Variants in ANKRD28 observed in about 807,000 individuals in gnomAD.
The protein encoded by ANKRD28 is ankyrin repeat domain 28.
Under a neutral mutation model 126.5 loss-of-function variants are expected in ANKRD28, and 44 were observed. That is an observed-to-expected ratio of 0.35 (90% confidence interval 0.27 to 0.45). ANKRD28 has a LOEUF of 0.45. Among genes scored for constraint, ANKRD28 ranks in the 20% least tolerant of loss-of-function variants. ANKRD28 has a pLI of 1.00. For synonymous variants in ANKRD28, 442 were observed against 468.5 expected, an observed-to-expected ratio of 0.94 and a Z score of 0.73; for missense variants, 1,110 against 1,316.6, an observed-to-expected ratio of 0.84 and a Z score of 2.43.
At chr3:15,767,649 G>C (rs1370489514) in intron 2 of ANKRD28, among the ~76,000 whole-genome samples, 4 of 141,338 alleles carry the variant, frequency 2.8e-5, no homozygotes, top group Non-Finnish European at 1.5e-5. Context: ...TGGATCACGA[G>C]GTCAGGAGAT....
upstream of ANKRD28, among the ~76,000 whole-genome samples, chr3:15,800,832 A>AT (rs1162811794): frequency 6.6e-6 from 1 of 152,108 alleles, no homozygotes; most frequent in Non-Finnish European, 1.5e-5. Context: ...TCAAAAGCAG[A>AT]TAAAAAATAC....
chr3:15,701,720 C>T (rs2070662111), intron 14 of ANKRD28, among the ~76,000 whole-genome samples: 1 of 151,790 alleles, frequency 6.6e-6, no homozygotes, highest in Non-Finnish European at 1.5e-5. Flanking sequence ...AAAATAAAAC[C>T]CACGTCTGGC....
At chr3:15,806,575 G>A (rs2060584711) in intron 1 of ANKRD28, among the ~76,000 whole-genome samples, 1 of 151,524 alleles carries the variant, frequency 6.6e-6, no homozygotes, top group Non-Finnish European at 1.5e-5. Flanking sequence ...AGGCTGGAGT[G>A]CAGTGGCACA....
intron 18 of ANKRD28, among the ~76,000 whole-genome samples, chr3:15,689,653 GTTTCAAACACTAGTTAATAAATCTAT>G (rs767891526): frequency 2.0e-5 from 3 of 152,198 alleles, no homozygotes; most frequent in Non-Finnish European, 4.4e-5. Flanking sequence ...CACAAAGTTA[GTTTCAAACACTAGTTAATAAATCTAT>G]TTTTATTTCC....
At chr3:15,777,903 C>CACAA (rs1553631647) in intron 2 of ANKRD28, among the ~76,000 whole-genome samples, 1 of 148,890 alleles carries the variant, frequency 6.7e-6, no homozygotes, top group Non-Finnish European at 1.5e-5. Context: ...CACACACACA[C>CACAA]CCTCTCCGCC....
chr3:15,723,918 A>C (rs1418555542), intron 7 of ANKRD28, among the ~76,000 whole-genome samples: 1 of 152,214 alleles, frequency 6.6e-6, no homozygotes, highest in Non-Finnish European at 1.5e-5. Flanking sequence ...ACCAAACAGA[A>C]TTATATAGTA....
rs1466291748 is a variant in ANKRD28 at position 15,845,287 on chromosome 3, C to G, written c.27+14090G>C. 2.0e-5 allele frequency among the ~76,000 whole-genome samples: 3 copies of G among 148,122 alleles called. No individual in the cohort carries two copies. In the East Asian group the frequency reaches 6.0e-4, roughly 29 times the overall value. ...GATTAACTGTTACATAACATATACA[C>G]AATCTTCCAGAACATTTCTAAAGTA... On this transcript the variant is annotated intron_variant, in intron 1 of 27. Transcript: ENST00000399451. The surrounding 1 kb of genome is among the most constrained non-coding windows in gnomAD (Gnocchi z 4.9).
intron 1 of ANKRD28, among the ~76,000 whole-genome samples, chr3:15,848,813 G>C (rs1432875318): frequency 6.6e-6 from 1 of 152,128 alleles, no homozygotes; most frequent in Non-Finnish European, 1.5e-5. Flanking sequence ...AACAAGACAA[G>C]GATGTCTACT....
At chr3:15,691,208 C>T (rs1390786128) in intron 17 of ANKRD28, among the ~76,000 whole-genome samples, 7 of 151,894 alleles carry the variant, frequency 4.6e-5, no homozygotes, top group Non-Finnish European at 1.0e-4. Context: ...CTGCAACCTC[C>T]GCCTCCCTGG....
Position 15,733,775 on chromosome 3 carries a change from ATTT to A in ANKRD28, c.640+1632_640+1634del, listed in dbSNP as rs539743811. ...CTTCAATTTAGTATACCTATGTAGA[ATTT>A]TTTTTTCAGAGTAACTATACTGGAA... On this transcript the variant is annotated intron_variant, in intron 6 of 27. Transcript: ENST00000683139. Among the ~76,000 whole-genome samples, 227 of 151,538 alleles carry A rather than the reference ATTT, an allele frequency of 1.5e-3. 1 individual carries two copies. Among genetic ancestry groups the A allele is most frequent in the African/African-American group, 5.3e-3 (217 of 41,300 alleles).
intron 6 of ANKRD28, among the ~76,000 whole-genome samples, chr3:15,724,978 C>A (rs1206425340): frequency 1.3e-5 from 2 of 152,050 alleles, no homozygotes; most frequent in Non-Finnish European, 2.9e-5. Flanking sequence ...GAGGCCTTAT[C>A]TCGAAACAAA....
intron 14 of ANKRD28, among the ~76,000 whole-genome samples, chr3:15,698,730 G>A (rs1016562105): frequency 1.3e-5 from 2 of 152,244 alleles, no homozygotes; most frequent in East Asian, 3.9e-4. Flanking sequence ...ACTGCTCAAT[G>A]AAATAAAAGA....
At chr3:15,760,704 T>C (rs1021893257) in intron 3 of ANKRD28, among the ~76,000 whole-genome samples, 4 of 152,170 alleles carry the variant, frequency 2.6e-5, no homozygotes, top group African/African-American at 9.7e-5. Flanking sequence ...AGAGAGACTA[T>C]GAGAGCTAGC....
chr3:15,687,437 CAAAGA>C (rs2068265362), intron 18 of ANKRD28, among the ~76,000 whole-genome samples: 1 of 151,816 alleles, frequency 6.6e-6, no homozygotes, highest in South Asian at 2.1e-4. Context: ...AGAAGTAGTC[CAAAGA>C]AAAGAGCTTT....
intron 1 of ANKRD28, among the ~76,000 whole-genome samples, chr3:15,836,201 C>G (rs1057355582): frequency 6.6e-6 from 1 of 151,756 alleles, no homozygotes; most frequent in Non-Finnish European, 1.5e-5. Context: ...AAACTCTATA[C>G]AAAGCAATAA....
intron 1 of ANKRD28, among the ~76,000 whole-genome samples, chr3:15,837,628 A>T (rs1228474456): frequency 6.6e-6 from 1 of 152,204 alleles, no homozygotes; most frequent in Non-Finnish European, 1.5e-5. Context: ...ATCAAAACTC[A>T]TAGGATACAG....
chr3:15,695,801 C>G (rs962921597), intron 15 of ANKRD28, among the ~76,000 whole-genome samples: 1 of 152,042 alleles, frequency 6.6e-6, no homozygotes, highest in African/African-American at 2.4e-5. Flanking sequence ...ATTCCTTTCA[C>G]AGGGACTTTT....
At chr3:15,737,377 G>A (rs2075089605) in intron 4 of ANKRD28, 144 bp from the exon 5 acceptor site, 2 of 711,694 alleles carry the variant, frequency 2.8e-6, no homozygotes, top group South Asian at 4.2e-5. Flanking sequence ...CTATAAACAA[G>A]TAGGAATTTA....
At chr3:15,719,412 T>G (rs931918883) in intron 8 of ANKRD28, among the ~76,000 whole-genome samples, 3 of 152,196 alleles carry the variant, frequency 2.0e-5, no homozygotes, top group Admixed American at 2.0e-4. Flanking sequence ...GTTTGGCAAG[T>G]GCTCAAAGGA....
Sources: allele counts gnomAD v4.1 joint callset (sites outside exome capture counted in the v4.1 genomes callset), GRCh38; gene constraint gnomAD v4.1.1; non-coding constraint Gnocchi (gnomAD v3.1); transcripts MANE v1.5; gene names NCBI Gene and HGNC (gene_info 2026-07-23, HGNC 2026-07-21).